SLC13A4: variants seen among roughly 807,000 people sequenced by gnomAD.
The protein encoded by SLC13A4 is Na(+)/sulfate cotransporter SUT-1.
A neutral mutation model predicts 72.7 loss-of-function variants in SLC13A4; 28 were observed. The ratio of observed to expected loss-of-function variants is 0.39; its 90% CI spans 0.29 to 0.53. The LOEUF is 0.53. Ranked by LOEUF, SLC13A4 falls within the 20% of genes least tolerant of loss-of-function variation. The pLI is 0.78. For synonymous variants in SLC13A4, 312 were observed against 325.5 expected (o/e 0.96, Z 0.45); for missense variants, 653 against 788.0 (o/e 0.83, Z 2.05).
At chr7:135,727,342 C>A in intron 1 of SLC13A4, 56 bp downstream of exon 1, 1 of 1,534,288 alleles carries the variant, frequency 6.5e-7, no homozygotes, top group Non-Finnish European at 8.8e-7. Context: ...ACCGACCTCC[C>A]CTCTTTGCCC....
At chr7:135,721,628 G>C in intron 1 of SLC13A4, 105 bp from the exon 2 acceptor site, 7 of 1,453,846 alleles carry the variant, frequency 4.8e-6, no homozygotes, top group Middle Eastern at 2.4e-4. Flanking sequence ...CTGTAACGCG[G>C]GTACTAGGAT....
At chr7:135,706,396 G>A in intron 3 of SLC13A4, 96 bp from the exon 4 acceptor site, 1 of 1,305,658 alleles carries the variant, frequency 7.7e-7, no homozygotes, top group Non-Finnish European at 1.0e-6. Flanking sequence ...GGCTGGTCTA[G>A]ACAGCTGTGG....
At chr7:135,702,931 C>T in intron 5 of SLC13A4, 47 bp from the exon 6 acceptor site, 6 of 1,463,550 alleles carry the variant, frequency 4.1e-6, no homozygotes, top group Non-Finnish European at 5.7e-6. Flanking sequence ...GAGGCCGACT[C>T]TTGGGAGGGG....
At chr7:135,699,322 G>A in intron 8 of SLC13A4, 42 bp downstream of exon 8, 1 of 1,549,248 alleles carries the variant, frequency 6.5e-7, no homozygotes, top group Non-Finnish European at 8.8e-7. Context: ...CTGACACACA[G>A]TGGTGGTTAG....
intron 14 of SLC13A4, 36 bp from the exon 15 acceptor site, chr7:135,684,297 T>G: frequency 6.4e-7 from 1 of 1,567,992 alleles, no homozygotes; most frequent in Non-Finnish European, 8.7e-7. Context: ...TTCACGAGAT[T>G]AGGCTTGCAT....
chr7:135,721,358 G>A (rs765214982), intron 2 of SLC13A4, 37 bp downstream of exon 2: 2 of 1,611,480 alleles, frequency 1.2e-6, no homozygotes, highest in African/African-American at 2.7e-5. Flanking sequence ...GGCCCTGCAG[G>A]GACCCAGGCA....
At chr7:135,718,404 T>C (rs1215338508) in intron 2 of SLC13A4, among the ~76,000 whole-genome samples, 1 of 152,108 alleles carries the variant, frequency 6.6e-6, no homozygotes, top group Non-Finnish European at 1.5e-5. Context: ...ACTGACACAT[T>C]GTCAAGAAAC....
chr7:135,702,402 G>A (rs1796058508), intron 6 of SLC13A4: 1 of 159,316 alleles, frequency 6.3e-6, no homozygotes, highest in Admixed American at 6.0e-5. Context: ...TGAGATGGGG[G>A]TCTCGCTCTG....
At chr7:135,705,519 G>A (rs1044511352) in intron 5 of SLC13A4, 77 bp downstream of exon 5, 2 of 1,359,216 alleles carry the variant, frequency 1.5e-6, no homozygotes, top group East Asian at 2.3e-5. Flanking sequence ...AGCTGTTTAT[G>A]GGTCTAGGTC....
chr7:135,694,239 C>G lies in SLC13A4; in HGVS notation c.1020-1G>C. ...GCTCAGAGAGCAGGTCTCTTTAAAA[C>G]TGAGAAGGGAGAATGAGCAAATGAT... On this transcript the variant is annotated splice_acceptor_variant, in intron 9 of 15. Transcript: ENST00000682651. LOFTEE classifies it high-confidence loss of function. The G allele has an allele frequency of 6.3e-7, 1 of 1,577,142 alleles. No homozygotes were observed. Among genetic ancestry groups the G allele is most frequent in the East Asian group, 2.2e-5 (1 of 44,708 alleles).
chr7:135,727,505 T>C lies in SLC13A4; in HGVS notation c.-9A>G. 6.5e-7 allele frequency: 1 copy of C among 1,548,396 alleles called. No homozygotes were observed. Among genetic ancestry groups the C allele is most frequent in the Non-Finnish European group, 8.7e-7 (1 of 1,145,078 alleles). Reference sequence around the variant, plus strand: ...CCCTGCAGCAGGCCCATCGCGCCTCTGTCCTCTCCAGCTCGTCCTTGGACC... The same window carrying C: ...CCCTGCAGCAGGCCCATCGCGCCTCCGTCCTCTCCAGCTCGTCCTTGGACC... On this transcript the variant is annotated 5_prime_UTR_variant, in exon 1 of 16. Transcript: ENST00000682651.
At chr7:135,704,109 A>G (rs960710540) in intron 5 of SLC13A4, 1 of 152,328 alleles carries the variant, frequency 6.6e-6, no homozygotes, top group Non-Finnish European at 1.5e-5. Context: ...GATGCCAGAG[A>G]GGCCACAGGG....
rs535997101 is a variant in SLC13A4 at position 135,712,439 on chromosome 7, C to G, written c.229-4189G>C. ...TGACCCTAGACAAGGTATTCAGCCT[C>G]TCTGGGCTTCATTTTCTCATCTAAA... On this transcript the variant is annotated intron_variant, in intron 2 of 15. Coordinates refer to ENST00000682651, the MANE Select transcript of SLC13A4 (RefSeq NM_001318192.2). 4.9e-5 allele frequency among the ~76,000 whole-genome samples: 7 copies of G among 142,578 alleles called. No homozygotes were observed. The East Asian group carries it at 1.5e-3, about 30-fold the overall frequency. The allele number at this position is 142,578 out of a possible 152,430, so 93.5% of individuals were successfully genotyped here. A position where few individuals can be genotyped will look rare whatever the true frequency, so the allele number is the denominator to read the frequency against.
intron 2 of SLC13A4, among the ~76,000 whole-genome samples, chr7:135,716,106 C>T (rs765096244): frequency 1.2e-4 from 18 of 152,100 alleles, no homozygotes; most frequent in Non-Finnish European, 2.2e-4. Context: ...GACTCTGGTT[C>T]TGGTGTGACG....
chr7:135,723,507 T>G (rs1796588445), intron 1 of SLC13A4, among the ~76,000 whole-genome samples: 2 of 152,094 alleles, frequency 1.3e-5, no homozygotes, highest in African/African-American at 2.4e-5. Context: ...CAGAAGAGCA[T>G]TTATAGAAAA....
At chr7:135,692,601 G>C in intron 10 of SLC13A4, 177 bp from the exon 11 acceptor site, 1 of 577,738 alleles carries the variant, frequency 1.7e-6, no homozygotes, top group Non-Finnish European at 3.0e-6. Context: ...AGTGGCCCCA[G>C]AAAACATGAC....
At chr7:135,707,133 G>A (rs1014025459) in intron 3 of SLC13A4, among the ~76,000 whole-genome samples, 4 of 152,156 alleles carry the variant, frequency 2.6e-5, no homozygotes, top group Non-Finnish European at 5.9e-5. Flanking sequence ...GTACCTACAC[G>A]GGTAACTGCC....
chr7:135,690,180 CAAAAA>C (rs57390577), intron 13 of SLC13A4, among the ~76,000 whole-genome samples: 3 of 29,610 alleles, frequency 1.0e-4, no homozygotes, highest in African/African-American at 2.0e-4. Context: ...GACTCTGTCT[CAAAAA>C]AAAAAAAAAA....
chr7:135,700,396 T>G (rs1470836020), intron 7 of SLC13A4, among the ~76,000 whole-genome samples: 1 of 152,148 alleles, frequency 6.6e-6, no homozygotes, highest in Non-Finnish European at 1.5e-5. Context: ...AAAGTCCTGG[T>G]GCAATTGTCA....
Sources: gnomAD v4.1 joint callset for allele counts (sites outside exome capture counted in the v4.1 genomes callset) on GRCh38, gnomAD v4.1.1 for gene constraint, MANE v1.5 for transcripts, NCBI Gene and HGNC (gene_info 2026-07-23, HGNC 2026-07-21) for gene names.